Variants in CTNNA2 observed in about 807,000 individuals in gnomAD.
CTNNA2 encodes the protein catenin alpha 2, also known as catenin alpha-2.
CTNNA2 carries 42 observed loss-of-function variants against 101.0 expected under a neutral mutation model. That is an observed-to-expected ratio of 0.42 (90% CI 0.32 to 0.54). The LOEUF (loss-of-function observed/expected upper bound fraction) is 0.54. Ranked by LOEUF, CTNNA2 falls within the 20% of genes least tolerant of loss-of-function variation. The probability of loss-of-function intolerance (pLI) is 0.14; values close to 1 mark genes in which losing one functional copy is unlikely to be tolerated. For missense variants in CTNNA2, 871 were observed against 1,223.1 expected (o/e 0.71, Z 4.29); for synonymous variants, 450 against 456.4 (o/e 0.99, Z 0.18).
chr2:80,533,326 C>T (rs1225854740), intron 9 of CTNNA2, among the ~76,000 whole-genome samples: 1 of 151,986 alleles, frequency 6.6e-6, no homozygotes, highest in East Asian at 1.9e-4. Flanking sequence ...CGGAGGCATC[C>T]CCTCCGCAAA....
intron 2 of CTNNA2, among the ~76,000 whole-genome samples, chr2:79,710,263 C>T (rs1177935590): frequency 6.6e-6 from 1 of 152,022 alleles, no homozygotes; most frequent in Non-Finnish European, 1.5e-5. Flanking sequence ...AAAAGTACAT[C>T]CTTCCGTAAT....
At chr2:80,266,451 C>T (rs1360519673) in intron 7 of CTNNA2, among the ~76,000 whole-genome samples, 2 of 152,144 alleles carry the variant, frequency 1.3e-5, no homozygotes, top group Non-Finnish European at 2.9e-5. Context: ...CAGCTGTGCC[C>T]CTGCCTCTTG....
chr2:80,538,633 T>C (rs1185397893), intron 9 of CTNNA2, among the ~76,000 whole-genome samples: 1 of 152,220 alleles, frequency 6.6e-6, no homozygotes, highest in African/African-American at 2.4e-5. Flanking sequence ...TGTAACCTTG[T>C]AGTACAGTTT....
In CTNNA2 at chr2:79,909,377, C is replaced by T. The variant is rs556579310; in HGVS notation, c.853-217C>T. Among the ~76,000 whole-genome samples, 3 of 152,340 alleles carry T rather than the reference C, an allele frequency of 2.0e-5. No individual in the cohort carries two copies. The East Asian group carries it at 5.8e-4, about 29-fold the overall frequency. Reference sequence around the variant, plus strand: ...TAGCCTTTGCCAAGAACATATTCTTCAAATAAGATGTGCTCTTTTAGCTGA... The same window carrying T: ...TAGCCTTTGCCAAGAACATATTCTTTAAATAAGATGTGCTCTTTTAGCTGA... On this transcript the variant is annotated intron_variant, in intron 6 of 18. Coordinates refer to ENST00000402739, the MANE Select transcript of CTNNA2 (RefSeq NM_001282597.3).
intron 7 of CTNNA2, among the ~76,000 whole-genome samples, chr2:79,926,694 T>C (rs1687041923): frequency 6.6e-6 from 1 of 151,998 alleles, no homozygotes; most frequent in Non-Finnish European, 1.5e-5. Flanking sequence ...AGGGCAATTT[T>C]ATTTCCTTAT....
At chr2:80,323,880 G>A (rs1414304983) in intron 7 of CTNNA2, among the ~76,000 whole-genome samples, 6 of 152,070 alleles carry the variant, frequency 3.9e-5, no homozygotes, top group Non-Finnish European at 1.5e-5. Flanking sequence ...CTTTTCTAGA[G>A]TTCAGTATGA....
At chr2:79,311,974 C>T (rs762051579) in intron 2 of CTNNA2, among the ~76,000 whole-genome samples, 4 of 152,080 alleles carry the variant, frequency 2.6e-5, no homozygotes, top group Non-Finnish European at 4.4e-5. Context: ...ACAATCATGG[C>T]TCACTGTAAC....
At chr2:80,425,304 T>C (rs1351743379) in intron 9 of CTNNA2, among the ~76,000 whole-genome samples, 3 of 152,296 alleles carry the variant, frequency 2.0e-5, no homozygotes, top group African/African-American at 7.2e-5. Context: ...TTTAGATAAG[T>C]TTATGGTGTT....
chr2:79,886,291 G>A (rs1683854207), intron 6 of CTNNA2, among the ~76,000 whole-genome samples: 1 of 152,152 alleles, frequency 6.6e-6, no homozygotes, highest in African/African-American at 2.4e-5. Flanking sequence ...ATTGCATGCA[G>A]TTGTATGGTG....
intron 7 of CTNNA2, among the ~76,000 whole-genome samples, chr2:80,168,409 T>C (rs1258188587): frequency 2.0e-5 from 3 of 152,130 alleles, no homozygotes; most frequent in Non-Finnish European, 4.4e-5. Flanking sequence ...CACCTGCCCA[T>C]AGAAATCACG....
intron 4 of CTNNA2, among the ~76,000 whole-genome samples, chr2:79,374,489 G>A (rs1316417185): frequency 6.8e-6 from 1 of 146,248 alleles, no homozygotes; most frequent in Non-Finnish European, 1.5e-5. Flanking sequence ...CAGTTTCCTG[G>A]GAATAAGCAT....
chr2:79,880,847 T>C (rs1308575800), intron 6 of CTNNA2, among the ~76,000 whole-genome samples: 1 of 152,162 alleles, frequency 6.6e-6, no homozygotes, highest in African/African-American at 2.4e-5. Flanking sequence ...TAGTTATTTC[T>C]TATATTCTGC....
chr2:79,830,423 G>T (rs376384417), intron 3 of CTNNA2, among the ~76,000 whole-genome samples: 159 of 152,220 alleles, frequency 1.0e-3, no homozygotes, highest in African/African-American at 3.4e-3. Context: ...AGGTGCTAGG[G>T]AATCATAGGC....
chr2:80,305,684 C>A (rs910654546), intron 7 of CTNNA2, among the ~76,000 whole-genome samples: 1 of 152,106 alleles, frequency 6.6e-6, no homozygotes, highest in Non-Finnish European at 1.5e-5. Context: ...GGAGTCCTTA[C>A]AATGAGCTCT....
intron 7 of CTNNA2, among the ~76,000 whole-genome samples, chr2:79,926,010 C>G (rs903851093): frequency 6.6e-6 from 1 of 152,082 alleles, no homozygotes; most frequent in Admixed American, 6.6e-5. Flanking sequence ...AAGCCCAGCT[C>G]TTTGCAGATA....
At chr2:80,577,520 A>T (rs1013405377) in intron 13 of CTNNA2, among the ~76,000 whole-genome samples, 3 of 152,072 alleles carry the variant, frequency 2.0e-5, no homozygotes, top group Non-Finnish European at 4.4e-5. Flanking sequence ...GAGCAGGGGA[A>T]TAGTGTGATC....
intron 6 of CTNNA2, among the ~76,000 whole-genome samples, chr2:79,906,294 AC>A (rs1685418894): frequency 7.9e-6 from 1 of 126,310 alleles, no homozygotes; most frequent in East Asian, 2.2e-4. Context: ...CATCCGGGAT[AC>A]ACACACACAC....
At chr2:79,331,435 T>C (rs1193031501) in intron 3 of CTNNA2, among the ~76,000 whole-genome samples, 1 of 152,206 alleles carries the variant, frequency 6.6e-6, no homozygotes, top group African/African-American at 2.4e-5. Context: ...CCTACCATCA[T>C]TTAATTGCTC....
intron 7 of CTNNA2, among the ~76,000 whole-genome samples, chr2:79,938,192 C>T (rs142822885): frequency 7.5e-4 from 114 of 152,248 alleles, no homozygotes; most frequent in Non-Finnish European, 2.6e-4. Flanking sequence ...AGCTCACTGT[C>T]GCCTATTTCA....
Sources: allele counts gnomAD v4.1 joint callset (sites outside exome capture counted in the v4.1 genomes callset), GRCh38; gene constraint gnomAD v4.1.1; transcripts MANE v1.5; gene names NCBI Gene and HGNC (gene_info 2026-07-23, HGNC 2026-07-21).